Variants in BPIFA2 observed in about 807,000 individuals in gnomAD.
BPIFA2 encodes the protein BPI fold containing family A member 2.
In BPIFA2, 20 loss-of-function variants were observed where a neutral mutation model predicts 25.7. That is an observed-to-expected ratio of 0.78 (90% CI 0.55 to 1.13). BPIFA2 has a LOEUF of 1.13. BPIFA2 is among the 50% of genes most tolerant of loss of function. The pLI is 0.00. For synonymous variants in BPIFA2, 126 were observed against 124.3 expected (o/e 1.01, Z -0.09); for missense variants, 300 against 298.1 (o/e 1.01, Z -0.05).
At chr20:33,179,694 TC>T (rs1984207995) in intron 7 of BPIFA2, 27 bp downstream of exon 7, 1 of 1,581,370 alleles carries the variant, frequency 6.3e-7, no homozygotes. Context: ...GTGGGGACCT[TC>T]TGAGGCAGGC....
intron 5 of BPIFA2, among the ~76,000 whole-genome samples, chr20:33,177,898 G>A (rs367772103): frequency 5.2e-4 from 79 of 152,258 alleles, no homozygotes; most frequent in African/African-American, 1.8e-3. Flanking sequence ...CTGTAAATAC[G>A]GGTTGAATGA....
intron 5 of BPIFA2, among the ~76,000 whole-genome samples, chr20:33,176,399 AG>A (rs1419349465): frequency 2.0e-4 from 30 of 152,266 alleles, no homozygotes; most frequent in African/African-American, 6.5e-4. Context: ...GGCCTTGGCC[AG>A]GAGCAAGGCT....
chr20:33,173,872 G>C (rs111872286), intron 3 of BPIFA2, among the ~76,000 whole-genome samples: 80 of 152,276 alleles, frequency 5.3e-4, no homozygotes, highest in African/African-American at 1.7e-3. Flanking sequence ...ACTCCCCTAG[G>C]AATCTGGGGG....
upstream of BPIFA2, among the ~76,000 whole-genome samples, chr20:33,165,945 C>T (rs1983710356): frequency 6.6e-6 from 1 of 152,036 alleles, no homozygotes; most frequent in Admixed American, 6.6e-5. Flanking sequence ...CCCAACCTCC[C>T]CACCCACCAA....
At chr20:33,173,906 A>G (rs545062015) in intron 3 of BPIFA2, among the ~76,000 whole-genome samples, 173 bp from the exon 4 acceptor site, 30 of 152,286 alleles carry the variant, frequency 2.0e-4, no homozygotes, top group Middle Eastern at 3.4e-3. Flanking sequence ...CCTGAGCCTC[A>G]GTGTGCTGTG....
chr20:33,171,132 G>GT (rs1373554192), intron 2 of BPIFA2, among the ~76,000 whole-genome samples: 1 of 152,134 alleles, frequency 6.6e-6, no homozygotes, highest in Non-Finnish European at 1.5e-5. Flanking sequence ...TTTGCTTACT[G>GT]TATCCTTGTA....
chr20:33,163,510 A>G (rs964951975), upstream of BPIFA2, among the ~76,000 whole-genome samples: 1 of 152,154 alleles, frequency 6.6e-6, no homozygotes, highest in Non-Finnish European at 1.5e-5. Flanking sequence ...CCCAGGGAGG[A>G]TTCCGACTGT....
chr20:33,180,377 C>G, intron 7 of BPIFA2, 143 bp from the exon 8 acceptor site: 1 of 852,726 alleles, frequency 1.2e-6, no homozygotes, highest in South Asian at 1.5e-5. Flanking sequence ...GATGAACAAA[C>G]TGAAGCTCAG....
chr20:33,168,291 T>TAG (rs1325739556), intron 1 of BPIFA2, 82 bp downstream of exon 1: 1 of 152,304 alleles, frequency 6.6e-6, no homozygotes, highest in Non-Finnish European at 1.5e-5. Flanking sequence ...GGGGTGGGAT[T>TAG]GCTTGGGTTA....
chr20:33,175,061 T>C (rs1984027464), intron 4 of BPIFA2, among the ~76,000 whole-genome samples: 1 of 152,234 alleles, frequency 6.6e-6, no homozygotes, highest in South Asian at 2.1e-4. Flanking sequence ...TACCAAGGTT[T>C]CCTCATTCAG....
At chr20:33,162,261 A>T (rs1288961801) in intron 1 of BPIFA2, among the ~76,000 whole-genome samples, 1 of 152,254 alleles carries the variant, frequency 6.6e-6, no homozygotes, top group East Asian at 1.9e-4. Flanking sequence ...AATTACAGGC[A>T]TGAGCCACTG....
At chr20:33,167,751 T>C (rs1983767602), upstream of BPIFA2, among the ~76,000 whole-genome samples, 1 of 152,142 alleles carries the variant, frequency 6.6e-6, no homozygotes, top group African/African-American at 2.4e-5. Context: ...TCTTGCTGAA[T>C]GACCCCAGGC....
chr20:33,166,236 C>T (rs1333938043), upstream of BPIFA2, among the ~76,000 whole-genome samples: 3 of 152,026 alleles, frequency 2.0e-5, no homozygotes, highest in Admixed American at 6.5e-5. Context: ...AGGCTGGTCT[C>T]GAACTCCTGA....
chr20:33,164,829 C>T (rs184621934), upstream of BPIFA2, among the ~76,000 whole-genome samples: 281 of 152,350 alleles, frequency 1.8e-3, 5 homozygotes, highest in Admixed American at 0.017. Flanking sequence ...GACCCTGACC[C>T]GGTGAAAACT....
upstream of BPIFA2, among the ~76,000 whole-genome samples, chr20:33,164,926 G>A (rs1056789287): frequency 3.3e-5 from 5 of 152,246 alleles, no homozygotes; most frequent in Admixed American, 6.5e-5. Context: ...CCTGCAGTGG[G>A]GCAAGGCCCC....
At chr20:33,173,784 G>A (rs6057743) in intron 3 of BPIFA2, among the ~76,000 whole-genome samples, 115 of 152,318 alleles carry the variant, frequency 7.5e-4, no homozygotes, top group African/African-American at 2.6e-3. Flanking sequence ...GATTACAGGC[G>A]TGAGTCACCG....
At chr20:33,170,609 G>T (rs537134243) in intron 2 of BPIFA2, among the ~76,000 whole-genome samples, 50 of 152,200 alleles carry the variant, frequency 3.3e-4, no homozygotes, top group Non-Finnish European at 5.1e-4. Context: ...GCCCAGGCTG[G>T]TCTCGAACTC....
At chr20:33,172,566 G>A (rs1372983443) in intron 2 of BPIFA2, among the ~76,000 whole-genome samples, 1 of 151,922 alleles carries the variant, frequency 6.6e-6, no homozygotes, top group Admixed American at 6.6e-5. Flanking sequence ...TCAAACTCAC[G>A]TGAGCATCTC....
At position 33,175,564 on chromosome 20, in the gene BPIFA2, G is replaced by A. The variant is rs1363812236; in HGVS notation, c.563+5G>A. 6.2e-7 allele frequency: 1 copy of A among 1,613,688 alleles called. No homozygotes were observed. The highest frequency in any genetic ancestry group is 2.2e-5 in the East Asian group (1 of 44,852). On this transcript the variant is annotated splice_donor_5th_base_variant and intron_variant, in intron 5 of 8. Transcript: ENST00000354932. ...CTCACTTTCCTTGCTGGACAAGTAA[G>A]TCCCATTCATCTTAGTAGAGCTGGG...
Sources: allele counts gnomAD v4.1 joint callset (sites outside exome capture counted in the v4.1 genomes callset), GRCh38; gene constraint gnomAD v4.1.1; transcripts MANE v1.5; gene names NCBI Gene and HGNC (gene_info 2026-07-23, HGNC 2026-07-21).